The following EVI5 variants were observed in gnomAD, a reference collection of about 807,000 sequenced individuals.
EVI5 encodes ecotropic viral integration site 5, also known as ecotropic viral integration site 5 protein homolog.
A neutral mutation model predicts 112.0 loss-of-function variants in EVI5; 73 were observed. The observed-to-expected ratio is 0.65, with a 90% CI of 0.54 to 0.79. EVI5 has a LOEUF of 0.79. EVI5 is among the 30% of genes least tolerant of loss of function. The pLI, the probability that EVI5 is intolerant of heterozygous loss-of-function variation, is 0.00. For synonymous variants in EVI5, 305 were observed against 319.9 expected, an observed-to-expected ratio of 0.95 and a Z score of 0.50; for missense variants, 900 against 968.8, an observed-to-expected ratio of 0.93 and a Z score of 0.94.
chr1:92,636,107 A>C (rs1311610256), intron 14 of EVI5, 95 bp downstream of exon 14: 3 of 1,044,622 alleles, frequency 2.9e-6, no homozygotes, highest in Non-Finnish European at 4.1e-6. Context: ...TAATGTATAA[A>C]AACACCAAGT....
intron 11 of EVI5, among the ~76,000 whole-genome samples, chr1:92,664,485 T>TAAAAAAAAAAAAAA: frequency 6.9e-6 from 1 of 143,964 alleles, no homozygotes; most frequent in Non-Finnish European, 1.5e-5. Context: ...TCCAAAGATT[T>TAAAAAAAAAAAAAA]AAAAAAAAAA....
chr1:92,663,589 AT>A, intron 11 of EVI5, 137 bp from the exon 12 acceptor site: 2 of 406,764 alleles, frequency 4.9e-6, no homozygotes, highest in East Asian at 3.6e-5. Flanking sequence ...GTTTAAAACC[AT>A]TTTTTACTGA....
At chr1:92,700,024 A>G (rs1452803996) in intron 5 of EVI5, among the ~76,000 whole-genome samples, 1 of 152,244 alleles carries the variant, frequency 6.6e-6, no homozygotes, top group Non-Finnish European at 1.5e-5. Context: ...AAAGAGGAAA[A>G]GGAGACAGAA....
At chr1:92,769,346 G>C (rs1409516549) in intron 1 of EVI5, among the ~76,000 whole-genome samples, 1 of 152,096 alleles carries the variant, frequency 6.6e-6, no homozygotes, top group Non-Finnish European at 1.5e-5. Flanking sequence ...AGGTATATAT[G>C]TAATGTTTTA....
chr1:92,545,617 A>C (rs1202091214), intron 19 of EVI5, among the ~76,000 whole-genome samples: 1 of 152,206 alleles, frequency 6.6e-6, no homozygotes, highest in African/African-American at 2.4e-5. Flanking sequence ...ACACAATCCC[A>C]AACGATTTTT....
intron 2 of EVI5, among the ~76,000 whole-genome samples, chr1:92,707,325 G>C (rs187380589): frequency 6.6e-6 from 1 of 151,794 alleles, no homozygotes; most frequent in African/African-American, 2.4e-5. Flanking sequence ...AAAGAGCTGT[G>C]CTCCTCAAAA....
At chr1:92,772,973 C>T (rs995011665) in intron 1 of EVI5, among the ~76,000 whole-genome samples, 6 of 150,712 alleles carry the variant, frequency 4.0e-5, no homozygotes, top group African/African-American at 1.2e-4. Flanking sequence ...TTTCAGAGCC[C>T]GAGGTGGGCA....
chr1:92,633,657 A>T (rs62273255), intron 14 of EVI5, among the ~76,000 whole-genome samples: 1 of 152,226 alleles, frequency 6.6e-6, no homozygotes, highest in Non-Finnish European at 1.5e-5. Context: ...TAATTGGAGC[A>T]TTTAGCCCCT....
At chr1:92,637,866 A>C (rs1307092456) in intron 13 of EVI5, among the ~76,000 whole-genome samples, 1 of 152,206 alleles carries the variant, frequency 6.6e-6, no homozygotes, top group Admixed American at 6.5e-5. Context: ...ACTTTAATTC[A>C]ATGCATTATA....
intron 1 of EVI5, among the ~76,000 whole-genome samples, chr1:92,775,113 T>A (rs1185822513): frequency 1.3e-5 from 2 of 152,194 alleles, no homozygotes; most frequent in African/African-American, 4.8e-5. Flanking sequence ...AACATTTCAG[T>A]CAATGGATAC....
At chr1:92,635,621 G>A (rs750868793) in intron 14 of EVI5, among the ~76,000 whole-genome samples, 2 of 152,084 alleles carry the variant, frequency 1.3e-5, no homozygotes, top group Admixed American at 1.3e-4. Context: ...GACCCCTTGC[G>A]CTTCGCGGCT....
At chr1:92,725,236 T>C (rs935505915) in intron 2 of EVI5, among the ~76,000 whole-genome samples, 1 of 152,152 alleles carries the variant, frequency 6.6e-6, no homozygotes. Context: ...GATGTAACCA[T>C]GGCTAACATT....
At chr1:92,552,320 G>A (rs1275329602) in intron 19 of EVI5, among the ~76,000 whole-genome samples, 1 of 152,136 alleles carries the variant, frequency 6.6e-6, no homozygotes, top group Non-Finnish European at 1.5e-5. Context: ...AATTCAGCTT[G>A]ACTCTGAACA....
At chr1:92,680,901 G>A (rs1932966) in intron 9 of EVI5, among the ~76,000 whole-genome samples, 140,250 of 152,232 alleles carry the variant, frequency 0.92, 64,694 homozygotes, top group East Asian at 0.97. Context: ...GAAACACAAA[G>A]ACTGAGGAAA....
chr1:92,523,343 A>G (rs1661284488), intron 19 of EVI5, among the ~76,000 whole-genome samples: 1 of 152,128 alleles, frequency 6.6e-6, no homozygotes, highest in Non-Finnish European at 1.5e-5. Flanking sequence ...GCAACCATGG[A>G]CTATTTAATT....
At chr1:92,536,518 C>T (rs1233838242) in intron 19 of EVI5, among the ~76,000 whole-genome samples, 2 of 152,134 alleles carry the variant, frequency 1.3e-5, no homozygotes, top group Non-Finnish European at 2.9e-5. Flanking sequence ...TGAAATTCTA[C>T]AGCAGGGATA....
intron 19 of EVI5, among the ~76,000 whole-genome samples, chr1:92,538,786 G>A (rs1664297457): frequency 6.6e-6 from 1 of 152,172 alleles, no homozygotes. Flanking sequence ...AGAGGTGGAG[G>A]GAGGAGAAAT....
intron 3 of EVI5, 60 bp downstream of exon 3, chr1:92,704,495 T>C (rs1671680458): frequency 2.8e-6 from 3 of 1,086,670 alleles, no homozygotes; most frequent in Non-Finnish European, 3.9e-6. Context: ...AATCCTCTAT[T>C]AAGTTATGTC....
chr1:92,702,909 G>T (rs528222398), intron 4 of EVI5, among the ~76,000 whole-genome samples: 70 of 152,206 alleles, frequency 4.6e-4, no homozygotes, highest in African/African-American at 1.6e-3. Context: ...TTAACAAGAA[G>T]TCAGTATTTC....
Sources: gnomAD v4.1 joint callset for allele counts (sites outside exome capture counted in the v4.1 genomes callset) on GRCh38, gnomAD v4.1.1 for gene constraint, MANE v1.5 for transcripts, NCBI Gene and HGNC (gene_info 2026-07-23, HGNC 2026-07-21) for gene names.